Variants in ZFHX3 observed in about 807,000 individuals in gnomAD.
The protein encoded by ZFHX3 is zinc finger homeobox protein 3.
Under a neutral mutation model 279.1 loss-of-function variants are expected in ZFHX3, and 42 were observed. That is an observed-to-expected ratio of 0.15 (90% CI 0.12 to 0.19). ZFHX3 has a LOEUF of 0.19. ZFHX3 is among the 10% of genes least tolerant of loss of function. ZFHX3 has a pLI of 1.00. For missense variants in ZFHX3, 4,981 were observed against 4,754.0 expected, an observed-to-expected ratio of 1.05 and a Z score of -1.40; for synonymous variants, 2,293 against 1,957.8, an observed-to-expected ratio of 1.17 and a Z score of -4.52.
chr16:72,810,755 AC>A, intron 7 of ZFHX3, among the ~76,000 whole-genome samples: 1 of 152,152 alleles, frequency 6.6e-6, no homozygotes, highest in East Asian at 1.9e-4. Context: ...GAAACTCCCT[AC>A]CCTAGAGTTG....
At chr16:73,145,849 G>A (rs1033278366) in intron 5 of ZFHX3, among the ~76,000 whole-genome samples, 6 of 152,190 alleles carry the variant, frequency 3.9e-5, no homozygotes, top group Admixed American at 3.9e-4. Flanking sequence ...AAGAGGTCCT[G>A]CAAGTCCAAG....
At chr16:73,175,190 G>A (rs867419090) in intron 5 of ZFHX3, among the ~76,000 whole-genome samples, 1 of 152,088 alleles carries the variant, frequency 6.6e-6, no homozygotes, top group Non-Finnish European at 1.5e-5. Context: ...GACCAGCCTG[G>A]CCAACATGGT....
intron 3 of ZFHX3, among the ~76,000 whole-genome samples, chr16:73,416,804 G>A (rs1483031161): frequency 6.8e-6 from 1 of 147,876 alleles, no homozygotes; most frequent in Admixed American, 6.7e-5. Context: ...AACTCGGGAG[G>A]CGGAGCCTGC....
intron 3 of ZFHX3, among the ~76,000 whole-genome samples, chr16:73,362,985 T>C (rs2016458459): frequency 6.6e-6 from 1 of 152,252 alleles, no homozygotes; most frequent in South Asian, 2.1e-4. Flanking sequence ...TCACAATACT[T>C]TGTAACTCAT....
chr16:73,560,095 C>T lies in ZFHX3; in HGVS notation c.-1546-103837G>A, dbSNP rs1359458692. On this transcript the variant is annotated intron_variant, in intron 2 of 17. Coordinates refer to the ZFHX3 transcript ENST00000641206. The stretch of plus-strand genomic sequence containing the variant: ...CAGTGCCTGATGATCGGGAGCTTGT[C>T]TGTCAAGTTCCTTCTCTGTTTTGCT... Among the ~76,000 whole-genome samples the T allele has an allele frequency of 5.9e-5, 9 of 152,190 alleles. No homozygotes were observed. In the East Asian group the frequency reaches 1.5e-3, roughly 26 times the overall value.
At chr16:73,761,687 G>A (rs1383920507) in intron 1 of ZFHX3, among the ~76,000 whole-genome samples, 1 of 151,990 alleles carries the variant, frequency 6.6e-6, no homozygotes, top group Non-Finnish European at 1.5e-5. Flanking sequence ...CTGCACATCT[G>A]CAACCATCTG....
chr16:73,789,475 C>T (rs557712779), intron 1 of ZFHX3, among the ~76,000 whole-genome samples: 2 of 152,076 alleles, frequency 1.3e-5, no homozygotes, highest in South Asian at 2.1e-4. Flanking sequence ...CCACCGTGCC[C>T]GGCTGGGAAA....
intron 1 of ZFHX3, among the ~76,000 whole-genome samples, chr16:73,763,369 A>T (rs933314451): frequency 1.3e-5 from 2 of 152,216 alleles, no homozygotes; most frequent in African/African-American, 4.8e-5. Flanking sequence ...AATCAATTCT[A>T]ATTAATGTCT....
intron 4 of ZFHX3, among the ~76,000 whole-genome samples, chr16:72,852,247 CTA>C (rs2037636293): frequency 6.6e-6 from 1 of 152,182 alleles, no homozygotes; most frequent in African/African-American, 2.4e-5. Flanking sequence ...CCTAAAATAA[CTA>C]TAGTTTTCAA....
chr16:73,713,040 G>T (rs2053379765), intron 1 of ZFHX3, among the ~76,000 whole-genome samples: 1 of 152,182 alleles, frequency 6.6e-6, no homozygotes, highest in Non-Finnish European at 1.5e-5. Flanking sequence ...TCTGGAACCT[G>T]GAGTGGAATT....
chr16:73,026,689 A>AAAAAAAAAAAAC (rs1555543115), intron 1 of ZFHX3, among the ~76,000 whole-genome samples: 8 of 150,722 alleles, frequency 5.3e-5, no homozygotes, highest in African/African-American at 2.0e-4. Flanking sequence ...AAAAAAAAAA[A>AAAAAAAAAAAAC]AAAAAACACA....
chr16:73,268,334 T>C (rs138538022), intron 4 of ZFHX3, among the ~76,000 whole-genome samples: 1,599 of 152,322 alleles, frequency 0.01, 12 homozygotes, highest in Middle Eastern at 0.075. Flanking sequence ...TCAAACTCTA[T>C]ATGAATCTGA....
chr16:73,708,618 T>C (rs577929301), intron 1 of ZFHX3, among the ~76,000 whole-genome samples: 1 of 152,316 alleles, frequency 6.6e-6, no homozygotes, highest in African/African-American at 2.4e-5. Context: ...AAGGAATATT[T>C]TTCCTCTACC....
intron 1 of ZFHX3, among the ~76,000 whole-genome samples, chr16:73,844,376 T>C (rs1220423510): frequency 6.6e-6 from 1 of 152,096 alleles, no homozygotes; most frequent in Non-Finnish European, 1.5e-5. Context: ...TAAGAAAGCA[T>C]GACCCTGTTC....
chr16:73,279,461 G>A (rs2014402402), intron 4 of ZFHX3, among the ~76,000 whole-genome samples: 1 of 151,792 alleles, frequency 6.6e-6, no homozygotes. Context: ...AGGGAACATT[G>A]CATTTTTTAT....
chr16:73,738,080 G>T (rs2053624405), intron 1 of ZFHX3, among the ~76,000 whole-genome samples: 2 of 152,054 alleles, frequency 1.3e-5, no homozygotes, highest in African/African-American at 4.8e-5. Flanking sequence ...CAAAAGTGGG[G>T]CAAAAATAAT....
At chr16:73,447,391 C>T (rs924932147) in intron 3 of ZFHX3, among the ~76,000 whole-genome samples, 1 of 151,950 alleles carries the variant, frequency 6.6e-6, no homozygotes, top group East Asian at 1.9e-4. Flanking sequence ...TTAACCATAC[C>T]CTGAATCCCA....
chr16:73,381,805 A>G (rs1349249555), intron 3 of ZFHX3, among the ~76,000 whole-genome samples: 1 of 152,226 alleles, frequency 6.6e-6, no homozygotes, highest in East Asian at 1.9e-4. Context: ...CTATGCATAA[A>G]TCTCAAAATG....
At chr16:73,237,054 C>A (rs914662290) in intron 5 of ZFHX3, among the ~76,000 whole-genome samples, 3 of 152,130 alleles carry the variant, frequency 2.0e-5, no homozygotes, top group African/African-American at 7.2e-5. Flanking sequence ...CCAGTGATAT[C>A]GGCGAGACAG....
Sources: allele counts gnomAD v4.1 joint callset (sites outside exome capture counted in the v4.1 genomes callset), GRCh38; gene constraint gnomAD v4.1.1; transcripts MANE v1.5; gene names NCBI Gene and HGNC (gene_info 2026-07-23, HGNC 2026-07-21).